NOC2L: variants seen among roughly 807,000 people sequenced by gnomAD.
NOC2L encodes nucleolar complex protein 2 homolog.
A neutral mutation model predicts 94.2 loss-of-function variants in NOC2L; 101 were observed. The observed-to-expected ratio is 1.07, with a 90% CI of 0.91 to 1.26. The LOEUF (loss-of-function observed/expected upper bound fraction) is 1.26. Among genes scored for constraint, NOC2L ranks in the 50% most tolerant of loss-of-function variants. NOC2L has a pLI of 0.00. For synonymous variants in NOC2L, 531 were observed against 413.4 expected (o/e 1.28, Z -3.45); for missense variants, 1,076 against 980.1 (o/e 1.10, Z -1.31).
At chr1:945,681 G>C (rs1642086244) in intron 16 of NOC2L, 28 bp from the exon 17 acceptor site, 2 of 1,613,964 alleles carry the variant, frequency 1.2e-6, no homozygotes, top group Non-Finnish European at 1.7e-6. Flanking sequence ...CAGGGGCTCA[G>C]GTGAGAGAGG....
intron 9 of NOC2L, 108 bp from the exon 10 acceptor site, chr1:952,708 C>T (rs1642293596): frequency 5.4e-6 from 6 of 1,109,360 alleles, no homozygotes; most frequent in African/African-American, 4.6e-5. Flanking sequence ...AGCTGGGCCT[C>T]GAGGAAGAGC....
chr1:949,725 G>GAC (rs780167703), intron 12 of NOC2L, among the ~76,000 whole-genome samples: 12 of 152,326 alleles, frequency 7.9e-5, no homozygotes, highest in Admixed American at 4.6e-4. Context: ...GAGGCCCACA[G>GAC]ACACAGGGGC....
In NOC2L at chr1:944,587, T is replaced by C. The variant is rs1642033145; in HGVS notation, c.*107A>G. Reference sequence around the variant, plus strand: ...ATAATAAAGCCTGTCCCGTGTCTACTGCCTCCCCCAACTGCACAGACGCCA... The same window carrying C: ...ATAATAAAGCCTGTCCCGTGTCTACCGCCTCCCCCAACTGCACAGACGCCA... On this transcript the variant is annotated 3_prime_UTR_variant, in exon 19 of 19. Transcript: ENST00000327044. 1.5e-6 allele frequency: 1 copy of C among 683,502 alleles called. No individual in the cohort carries two copies. Among genetic ancestry groups the C allele is most frequent in the African/African-American group, 1.8e-5 (1 of 55,126 alleles). The allele number at this position is 683,502 out of a possible 1,614,324, so 42.3% of individuals were successfully genotyped here. A position where few individuals can be genotyped will look rare whatever the true frequency, so the allele number is the denominator to read the frequency against.
Position 956,121 on chromosome 1 carries a change from T to C in NOC2L, c.581A>G (p.Asn194Ser), listed in dbSNP as rs559329243. Residue 194 changes from asparagine to serine, a missense_variant, in exon 5 of 19, where the codon AAC (asparagine) becomes AGC (serine). By Grantham distance (46) the Asn-to-Ser change is conservative. Around this residue, in one of 3 missense-constraint regions of NOC2L, gnomAD observed 457 missense variants for 386.0 expected, o/e 1.18. Transcript: ENST00000327044. ...TRGDQESAEANKFQVTDSAAF... is the reference protein window; with the variant it reads ...TRGDQESAEASKFQVTDSAAF... ...AGCACTGTCCGTGACCTGGAATTTG[T>C]TGGCCTCAGCACTTTCCTGGTCCCC... 12 of 1,613,972 alleles carry C rather than the reference T, an allele frequency of 7.4e-6. No homozygotes were observed. In the South Asian group the frequency reaches 8.8e-5, roughly 12 times the overall value.
At position 951,987 on chromosome 1, in the gene NOC2L, C is replaced by A. The variant is rs780858623; in HGVS notation, c.1331+13G>T. ...TGACCCTCCCGCACAACCCTGCCCA[C>A]CCCACAACTCACTTGATACAGCCAA... On this transcript the variant is annotated intron_variant, in intron 11 of 18. Coordinates refer to ENST00000327044, the MANE Select transcript of NOC2L (RefSeq NM_015658.4). 5 of 1,609,424 alleles carry A rather than the reference C, an allele frequency of 3.1e-6. No homozygotes were observed. The highest frequency in any genetic ancestry group is 2.5e-6 in the Non-Finnish European group (3 of 1,177,842).
intron 2 of NOC2L, 36 bp from the exon 3 acceptor site, chr1:957,309 TG>T (rs781680607): frequency 6.2e-7 from 1 of 1,607,506 alleles, no homozygotes; most frequent in African/African-American, 1.3e-5. Flanking sequence ...CAGTGGGAAG[TG>T]GAAGTAGAGG....
chr1:948,359 G>T (rs113971405), intron 13 of NOC2L, 127 bp from the exon 14 acceptor site: 44 of 1,049,514 alleles, frequency 4.2e-5, no homozygotes, highest in Non-Finnish European at 6.0e-5. Context: ...GGGGCTCCTG[G>T]GCCCCAGCCC....
In NOC2L at chr1:952,089, C is replaced by T. The variant is rs201298407; in HGVS notation, c.1242G>A (p.Leu414=). The T allele has an allele frequency of 2.6e-5, 42 of 1,613,712 alleles. No individual in the cohort carries two copies. Among genetic ancestry groups the T allele is most frequent in the Non-Finnish European group, 3.3e-5 (39 of 1,179,994 alleles). The change falls in exon 11 of 19, where the codon CTG becomes CTA. Residue 414 remains leucine, a synonymous_variant. Coordinates refer to ENST00000327044, the MANE Select transcript of NOC2L (RefSeq NM_015658.4). The part of the protein sequence containing the change: ...YNWQYVHCLF[L]WCRVLSTAGP... The stretch of plus-strand genomic sequence containing the variant: ...CCGCAGTGCTCAGGACCCGGCACCA[C>T]AGGAAGAGGCAGTGCACATACTGCC...
chr1:953,918 C>T (rs373207970), intron 7 of NOC2L, 26 bp from the exon 8 acceptor site: 3 of 1,609,698 alleles, frequency 1.9e-6, no homozygotes, highest in Non-Finnish European at 2.5e-6. Context: ...GACAGTGAAG[C>T]CCCAAACCCA....
chr1:956,492 G>A (rs112053507), intron 4 of NOC2L, among the ~76,000 whole-genome samples: 1 of 152,114 alleles, frequency 6.6e-6, no homozygotes. Context: ...GGAGCTCTCC[G>A]TATCCTTGTC....
intron 2 of NOC2L, chr1:958,372 C>A: frequency 3.6e-6 from 1 of 277,542 alleles, no homozygotes; most frequent in Admixed American, 4.9e-5. Flanking sequence ...CCTGCCTCAG[C>A]CTCCCGAGTA....
chr1:945,365 A>G (rs1464521987), intron 17 of NOC2L, 153 bp downstream of exon 17: 1 of 1,041,194 alleles, frequency 9.6e-7, no homozygotes, highest in Non-Finnish European at 1.4e-6. Context: ...AGGCGCTGGC[A>G]CCAGAAGCCT....
intron 11 of NOC2L, among the ~76,000 whole-genome samples, 171 bp from the exon 12 acceptor site, chr1:951,409 G>C (rs192517633): frequency 6.6e-6 from 1 of 151,270 alleles, no homozygotes; most frequent in Admixed American, 6.6e-5. Context: ...GGGGCTGCAG[G>C]TACCTTACCC....
chr1:957,341 G>A lies in NOC2L; in HGVS notation c.180-68C>T, dbSNP rs533307140. On this transcript the variant is annotated intron_variant, in intron 2 of 18. Transcript: ENST00000327044. The stretch of plus-strand genomic sequence containing the variant: ...AGAGGGGGCGGGGAGTGGCCTACAG[G>A]GTCAGTCTACTCCCTTCACAAGGGT... 1.8e-4 allele frequency: 274 copies of A among 1,495,104 alleles called. No homozygotes were observed. The African/African-American group carries it at 3.2e-3, about 17-fold the overall frequency. The allele number at this position is 1,495,104 out of a possible 1,614,324, so 92.6% of individuals were successfully genotyped here.
chr1:951,016 C>T (rs1242450913), intron 12 of NOC2L, 111 bp downstream of exon 12: 10 of 805,378 alleles, frequency 1.2e-5, no homozygotes, highest in Admixed American at 6.1e-5. Flanking sequence ...GACAAGGAGG[C>T]GGCCAGGGCT....
chr1:948,294 C>A, intron 13 of NOC2L, 62 bp from the exon 14 acceptor site: 1 of 1,387,212 alleles, frequency 7.2e-7, no homozygotes, highest in Non-Finnish European at 1.0e-6. Context: ...CACTCAGGCC[C>A]CTTCCCCTCA....
intron 14 of NOC2L, among the ~76,000 whole-genome samples, chr1:947,501 G>C (rs1226812191): frequency 2.0e-5 from 3 of 152,176 alleles, no homozygotes; most frequent in Non-Finnish European, 4.4e-5. Context: ...CAGCCACCAG[G>C]GCCAGACAGC....
intron 2 of NOC2L, chr1:958,663 T>A: frequency 1.5e-6 from 1 of 668,034 alleles, no homozygotes; most frequent in Non-Finnish European, 2.8e-6. Context: ...CAGGCGGTGA[T>A]TTCACCCAAG....
At position 957,116 on chromosome 1, in the gene NOC2L, G is replaced by C; in HGVS notation, c.337C>G (p.Leu113Val). 1 of 1,614,068 alleles carries C rather than the reference G, an allele frequency of 6.2e-7. No homozygotes were observed. The highest frequency in any genetic ancestry group is 8.5e-7 in the Non-Finnish European group (1 of 1,180,030). ...GCCCTCACCTCCAGCACATCTGGCA[G>C]GGAGTGGAACGGCCCCTCTTCCTCC... ...SEEEEGPFHSLPDVLEEASEE... is the reference protein window; with the variant it reads ...SEEEEGPFHSVPDVLEEASEE... The change falls in exon 3 of 19, where the codon CTG becomes GTG. Residue 113 changes from leucine (L) to valine (V), a missense_variant. Physicochemically the swap from Leu to Val is conservative, Grantham distance 32. Transcript: ENST00000327044.
Sources: allele counts gnomAD v4.1 joint callset (sites outside exome capture counted in the v4.1 genomes callset), GRCh38; gene constraint gnomAD v4.1.1; regional missense constraint gnomAD v4.1.1; transcripts MANE v1.5; gene names NCBI Gene and HGNC (gene_info 2026-07-23, HGNC 2026-07-21).